Variants in RUNX1 observed in about 807,000 individuals in gnomAD.
The protein encoded by RUNX1 is RUNX family transcription factor 1.
Under a neutral mutation model 42.8 loss-of-function variants are expected in RUNX1, and 19 were observed. The ratio of observed to expected loss-of-function variants is 0.44; its 90% confidence interval spans 0.31 to 0.65. RUNX1 has a LOEUF of 0.65. RUNX1 is among the 30% of genes least tolerant of loss of function. The pLI, the probability that RUNX1 is intolerant of heterozygous loss-of-function variation, is 0.07. For synonymous variants in RUNX1, 271 were observed against 289.4 expected (o/e 0.94, Z 0.64); for missense variants, 528 against 672.0 (o/e 0.79, Z 2.37).
chr21:34,959,453 C>T (rs189520235), intron 2 of RUNX1, among the ~76,000 whole-genome samples: 1 of 152,184 alleles, frequency 6.6e-6, no homozygotes, highest in African/African-American at 2.4e-5. Flanking sequence ...GAGAACAGTG[C>T]CTAGCACATC....
rs1332806381 is a variant in RUNX1 at position 34,791,970 on chromosome 21, G to A, written c.*165C>T. The A allele has an allele frequency of 2.3e-6, 1 of 435,546 alleles. No homozygotes were observed. The highest frequency in any genetic ancestry group is 4.2e-6 in the Non-Finnish European group (1 of 240,870). The allele number at this position is 435,546 out of a possible 1,614,324, so 27.0% of individuals were successfully genotyped here. A position where few individuals can be genotyped will look rare whatever the true frequency, so the allele number is the denominator to read the frequency against. ...GGCTTCTGGGCGCAGGAGGCTGCGC[G>A]GGCCTGACCTACAGCGAGATCCTGG... On this transcript the variant is annotated 3_prime_UTR_variant, in exon 9 of 9. Transcript: ENST00000675419.
intron 4 of RUNX1, among the ~76,000 whole-genome samples, chr21:34,882,855 C>T (rs991177893): frequency 1.3e-5 from 2 of 152,110 alleles, no homozygotes. Context: ...ACTTCCTCAT[C>T]CTCCTCTCCC....
chr21:34,840,916 G>C (rs1301162533), intron 6 of RUNX1, among the ~76,000 whole-genome samples: 1 of 152,088 alleles, frequency 6.6e-6, no homozygotes, highest in Non-Finnish European at 1.5e-5. Context: ...CTACTGACTG[G>C]GACATTCCAT....
rs2057278107 is a variant in RUNX1 at position 34,843,798 on chromosome 21, G to A, written c.614-9197C>T. ...TTTTTCGCCCACTCACATGAGACTCGGGCCTCTCCTAAAAGCAGAGCACTC... is the reference window on the plus strand; with the variant it reads ...TTTTTCGCCCACTCACATGAGACTCAGGCCTCTCCTAAAAGCAGAGCACTC... On this transcript the variant is annotated intron_variant, in intron 6 of 8. Coordinates refer to ENST00000675419, the MANE Select transcript of RUNX1 (RefSeq NM_001754.5). This position sits in a 1 kb window ranked among gnomAD's most constrained non-coding sequence, Gnocchi z 4.8. Among the ~76,000 whole-genome samples, 1 of 152,064 alleles carries A rather than the reference G, an allele frequency of 6.6e-6. No homozygotes were observed. Among genetic ancestry groups the A allele is most frequent in the East Asian group, 1.9e-4 (1 of 5,184 alleles).
intron 7 of RUNX1, chr21:34,821,787 G>A (rs917930225): frequency 1.2e-5 from 13 of 1,098,022 alleles, no homozygotes; most frequent in African/African-American, 3.1e-5. Flanking sequence ...CCTACCCCAA[G>A]GCGTGAAAGA....
intron 2 of RUNX1, among the ~76,000 whole-genome samples, chr21:35,025,325 C>T (rs772598829): frequency 7.2e-5 from 11 of 152,170 alleles, no homozygotes; most frequent in Non-Finnish European, 1.3e-4. Flanking sequence ...GGCCTGGCCC[C>T]GGCCCACTGA....
At chr21:34,813,716 TC>T (rs1417341792) in intron 7 of RUNX1, among the ~76,000 whole-genome samples, 1 of 151,868 alleles carries the variant, frequency 6.6e-6, no homozygotes, top group Admixed American at 6.6e-5. Flanking sequence ...CTCCTGGGCT[TC>T]CTGGGCATGA....
intron 2 of RUNX1, among the ~76,000 whole-genome samples, chr21:34,966,384 G>A (rs946534292): frequency 5.9e-5 from 9 of 152,192 alleles, no homozygotes; most frequent in African/African-American, 1.9e-4. Context: ...ATGCTATGAG[G>A]TGGATACTTT....
chr21:34,888,926 C>T (rs1324690416), intron 3 of RUNX1, among the ~76,000 whole-genome samples: 1 of 151,558 alleles, frequency 6.6e-6, no homozygotes, highest in African/African-American at 2.4e-5. Flanking sequence ...CCGCGCCCCG[C>T]ATCCAAGCCT....
In RUNX1 at chr21:34,839,620, A is replaced by G. The variant is rs533175471; in HGVS notation, c.614-5019T>C. ...CAGCCCCAGCCACACTGTGACCTGC[A>G]GGCTGTGAGGCTGTGTTTCACCTGC... is the stretch of plus-strand genomic sequence containing the variant. On this transcript the variant is annotated intron_variant, in intron 6 of 8. Transcript: ENST00000675419. 3.8e-4 allele frequency among the ~76,000 whole-genome samples: 58 copies of G among 152,310 alleles called. No homozygotes were observed. The Middle Eastern group carries it at 0.014, about 36-fold the overall frequency.
At chr21:35,021,498 GCA>G (rs2059197811) in intron 2 of RUNX1, among the ~76,000 whole-genome samples, 1 of 152,196 alleles carries the variant, frequency 6.6e-6, no homozygotes, top group African/African-American at 2.4e-5. Flanking sequence ...CTATGCGTGT[GCA>G]CATACACATA....
chr21:34,836,433 C>G (rs2057147543), intron 6 of RUNX1, among the ~76,000 whole-genome samples: 1 of 152,222 alleles, frequency 6.6e-6, no homozygotes, highest in African/African-American at 2.4e-5. Flanking sequence ...CTGGATGAAG[C>G]CTTCCTTAGC....
At chr21:34,810,708 T>G (rs1429351854) in intron 7 of RUNX1, among the ~76,000 whole-genome samples, 1 of 151,926 alleles carries the variant, frequency 6.6e-6, no homozygotes, top group Non-Finnish European at 1.5e-5. Flanking sequence ...CCTGGGAGGG[T>G]GAAATGTGCC....
At chr21:35,016,968 A>G (rs1349632305) in intron 2 of RUNX1, among the ~76,000 whole-genome samples, 1 of 150,898 alleles carries the variant, frequency 6.6e-6, no homozygotes, top group African/African-American at 2.4e-5. Flanking sequence ...TAAAGTGCAG[A>G]GTAAGGGCCC....
At chr21:34,876,094 G>A (rs368216026) in intron 5 of RUNX1, among the ~76,000 whole-genome samples, 1 of 152,200 alleles carries the variant, frequency 6.6e-6, no homozygotes, top group African/African-American at 2.4e-5. Flanking sequence ...ATTCCGCCAA[G>A]AAACTCAACG....
intron 2 of RUNX1, among the ~76,000 whole-genome samples, chr21:35,047,555 ACACACACTCT>A (rs1327006608): frequency 2.4e-3 from 205 of 84,208 alleles, no homozygotes; most frequent in Non-Finnish European, 3.2e-3. Flanking sequence ...ACACACACAC[ACACACACTCT>A]CTCTCTCTCT....
intron 2 of RUNX1, among the ~76,000 whole-genome samples, chr21:34,981,029 TCAGCAAAA>T (rs1245817204): frequency 3.3e-5 from 5 of 152,234 alleles, no homozygotes; most frequent in Admixed American, 1.3e-4. Context: ...AGGTACTTTA[TCAGCAAAA>T]CTGTCAGCTA....
intron 5 of RUNX1, among the ~76,000 whole-genome samples, chr21:34,874,141 CTCT>C (rs2057779433): frequency 1.3e-5 from 2 of 151,864 alleles, no homozygotes; most frequent in African/African-American, 2.4e-5. Context: ...CTCTCTCTCT[CTCT>C]CCCCCTTGCA....
chr21:34,919,954 G>A (rs1228100674), intron 2 of RUNX1, among the ~76,000 whole-genome samples: 1 of 152,166 alleles, frequency 6.6e-6, no homozygotes, highest in Admixed American at 6.5e-5. Context: ...TTCTTGCCAG[G>A]CTCTGCGTTA....
Sources: allele counts gnomAD v4.1 joint callset (sites outside exome capture counted in the v4.1 genomes callset), GRCh38; gene constraint gnomAD v4.1.1; non-coding constraint Gnocchi (gnomAD v3.1); transcripts MANE v1.5; gene names NCBI Gene and HGNC (gene_info 2026-07-23, HGNC 2026-07-21).